The following IFT56 variants were observed in gnomAD, a reference collection of about 807,000 sequenced individuals.
The protein encoded by IFT56 is intraflagellar transport protein 56.
chr7:139,171,548 G>A, the IFT56 span, among the ~76,000 whole-genome samples: 1 of 152,126 alleles, frequency 6.6e-6, no homozygotes, highest in Non-Finnish European at 1.5e-5. Flanking sequence ...TATGTCTACA[G>A]TGAACTCATT....
the IFT56 span, chr7:139,189,548 C>T: frequency 1.4e-6 from 1 of 711,836 alleles, no homozygotes; most frequent in Non-Finnish European, 2.4e-6. Context: ...TCCTTCCTTG[C>T]TCTTTAAGCC....
chr7:139,143,338 A>T, the IFT56 span, among the ~76,000 whole-genome samples: 1 of 152,100 alleles, frequency 6.6e-6, no homozygotes, highest in South Asian at 2.1e-4. Context: ...TCTGCTTTAC[A>T]TGTTTTTCAG....
chr7:139,150,152 T>C, the IFT56 span, among the ~76,000 whole-genome samples: 26 of 152,206 alleles, frequency 1.7e-4, no homozygotes, highest in African/African-American at 6.3e-4. Context: ...TACTTATATA[T>C]TAAATAAAAT....
At chr7:139,155,086 G>A in the IFT56 span, among the ~76,000 whole-genome samples, 6 of 151,994 alleles carry the variant, frequency 3.9e-5, no homozygotes, top group African/African-American at 9.7e-5. Context: ...TGATGCTATT[G>A]TAAATTAACT....
At chr7:139,139,985 T>G in the IFT56 span, 2 of 1,609,656 alleles carry the variant, frequency 1.2e-6, no homozygotes, top group South Asian at 2.2e-5. Context: ...ATAAACAAGC[T>G]GAAGCAGCTG....
At chr7:139,174,178 T>A in the IFT56 span, 2 of 592,682 alleles carry the variant, frequency 3.4e-6, no homozygotes, top group East Asian at 4.5e-5. Context: ...TGCCCACTTA[T>A]CCCAGCTTCT....
At chr7:139,155,035 A>C in the IFT56 span, among the ~76,000 whole-genome samples, 6 of 152,158 alleles carry the variant, frequency 3.9e-5, no homozygotes, top group East Asian at 1.2e-3. Flanking sequence ...CAAGTTTTAC[A>C]TTTCTTTTGA....
At chr7:139,172,114 A>C in the IFT56 span, among the ~76,000 whole-genome samples, 1 of 150,204 alleles carries the variant, frequency 6.7e-6, no homozygotes, top group East Asian at 1.9e-4. Context: ...TCATCAAAAG[A>C]ATGAAACCAA....
At chr7:139,143,504 G>A in the IFT56 span, among the ~76,000 whole-genome samples, 4 of 151,768 alleles carry the variant, frequency 2.6e-5, no homozygotes, top group African/African-American at 9.7e-5. Context: ...GCTCTTTTGG[G>A]TAGCATTTGC....
chr7:139,170,571 C>T, the IFT56 span, among the ~76,000 whole-genome samples: 2 of 152,112 alleles, frequency 1.3e-5, no homozygotes, highest in East Asian at 1.9e-4. Context: ...CAATGGGATA[C>T]ATCATATCAG....
At chr7:139,178,011 C>G in the IFT56 span, among the ~76,000 whole-genome samples, 17 of 152,228 alleles carry the variant, frequency 1.1e-4, no homozygotes, top group East Asian at 3.3e-3. Flanking sequence ...AGTTAATCCC[C>G]AGAGAGATTA....
chr7:139,148,115 T>C, the IFT56 span: 3 of 1,200,222 alleles, frequency 2.5e-6, no homozygotes, highest in East Asian at 7.1e-5. Context: ...GTTCATGAAC[T>C]GTCCTCTTTG....
chr7:139,160,445 T>G, the IFT56 span, among the ~76,000 whole-genome samples: 1 of 151,910 alleles, frequency 6.6e-6, no homozygotes, highest in Non-Finnish European at 1.5e-5. Flanking sequence ...TTTTTTTTTT[T>G]TTTTTGAGAC....
the IFT56 span, among the ~76,000 whole-genome samples, chr7:139,188,105 C>CTTT: frequency 7.9e-6 from 1 of 126,622 alleles, no homozygotes; most frequent in Admixed American, 7.8e-5. Context: ...TTCTTTCTTT[C>CTTT]TTTTTTTTTT....
the IFT56 span, among the ~76,000 whole-genome samples, chr7:139,171,876 T>C: frequency 1.6e-4 from 25 of 152,320 alleles, no homozygotes; most frequent in East Asian, 4.8e-3. Context: ...TACAGAAAGG[T>C]AGCCATAACA....
the IFT56 span, among the ~76,000 whole-genome samples, chr7:139,162,037 G>A: frequency 9.2e-5 from 14 of 152,182 alleles, no homozygotes; most frequent in East Asian, 1.7e-3. Flanking sequence ...GTTTTCAATC[G>A]CTGAAGTGAA....
At chr7:139,183,037 G>C in the IFT56 span, among the ~76,000 whole-genome samples, 1 of 152,114 alleles carries the variant, frequency 6.6e-6, no homozygotes, top group African/African-American at 2.4e-5. Context: ...GGAAAATCAG[G>C]GTTTGGAATT....
chr7:139,181,294 G>A, the IFT56 span: 34 of 896,056 alleles, frequency 3.8e-5, no homozygotes, highest in African/African-American at 5.0e-4. Context: ...AGACTAAATG[G>A]CTAGTAGTGA....
At chr7:139,136,998 G>C in the IFT56 span, among the ~76,000 whole-genome samples, 2 of 152,188 alleles carry the variant, frequency 1.3e-5, no homozygotes, top group Admixed American at 1.3e-4. Flanking sequence ...GTTAGCTACA[G>C]GAGTAAATTC....
Sources: allele counts gnomAD v4.1 joint callset (sites outside exome capture counted in the v4.1 genomes callset), GRCh38; gene constraint gnomAD v4.1.1; transcripts MANE v1.5; gene names NCBI Gene and HGNC (gene_info 2026-07-23, HGNC 2026-07-21).